The following AIDA variants were observed in gnomAD, a reference collection of about 807,000 sequenced individuals.
AIDA encodes axin interactor, dorsalization associated.
AIDA carries 18 observed loss-of-function variants against 42.7 expected under a neutral mutation model. The observed-to-expected ratio is 0.42, with a 90% CI of 0.29 to 0.63. The LOEUF (loss-of-function observed/expected upper bound fraction) is 0.63. AIDA is among the 20% of genes least tolerant of loss of function. AIDA has a pLI of 0.19. For missense variants in AIDA, 250 were observed against 354.1 expected (o/e 0.71, Z 2.36); for synonymous variants, 104 against 122.9 (o/e 0.85, Z 1.02).
intron 2 of AIDA, among the ~76,000 whole-genome samples, chr1:222,698,510 GGT>G (rs1292660351): frequency 1.3e-5 from 2 of 148,712 alleles, no homozygotes; most frequent in Non-Finnish European, 3.0e-5. Flanking sequence ...CGGGTGCAGT[GGT>G]GTGATTTCGG....
At chr1:222,687,125 G>A in intron 5 of AIDA, 89 bp from the exon 6 acceptor site, 1 of 1,535,118 alleles carries the variant, frequency 6.5e-7, no homozygotes. Flanking sequence ...CAGGCAAGAT[G>A]CTGATATAAA....
At position 222,706,553 on chromosome 1, in the gene AIDA, G is replaced by A. The variant is rs1250799702; in HGVS notation, c.111-3336C>T. On this transcript the variant is annotated intron_variant, in intron 1 of 9. Transcript: ENST00000340020. ...GATGAAACTTAAAAACATTAATTACGCTAAATGAAAGAAGTCAGATGCAAA... is the reference window on the plus strand; with the variant it reads ...GATGAAACTTAAAAACATTAATTACACTAAATGAAAGAAGTCAGATGCAAA... Among the ~76,000 whole-genome samples the A allele has an allele frequency of 3.3e-5, 5 of 151,796 alleles. No individual in the cohort carries two copies. In the East Asian group the frequency reaches 5.8e-4, roughly 18 times the overall value.
rs764789665 is a variant in AIDA, at chr1:222,693,824, T to G, written c.254A>C (p.Glu85Ala). The change falls in exon 4 of 10, where the codon GAA becomes GCA. Residue 85 changes from glutamate to alanine, a missense_variant. Physicochemically the swap from Glu to Ala is moderately radical, Grantham distance 107 (BLOSUM62 -1). This residue lies in a region of AIDA where 199 missense variants were observed against 232.6 expected (regional missense o/e 0.86). Coordinates refer to ENST00000340020, the MANE Select transcript of AIDA (RefSeq NM_022831.4). Reference sequence around the variant, plus strand: ...CTTCTTCAGGTCCTCCAGTTTAAATTCTTCTTGAGACTGTGTGGACTAAAT... The same window carrying G: ...CTTCTTCAGGTCCTCCAGTTTAAATGCTTCTTGAGACTGTGTGGACTAAAT... ...AALQSTQSQEEFKLEDLKKLE... is the reference protein window; with the variant it reads ...AALQSTQSQEAFKLEDLKKLE... 2 of 1,609,698 alleles carry G rather than the reference T, an allele frequency of 1.2e-6. No individual in the cohort carries two copies. The highest frequency in any genetic ancestry group is 8.5e-7 in the Non-Finnish European group (1 of 1,177,090).
At chr1:222,681,573 G>A (rs1283930141) in intron 6 of AIDA, among the ~76,000 whole-genome samples, 1 of 152,194 alleles carries the variant, frequency 6.6e-6, no homozygotes, top group African/African-American at 2.4e-5. Flanking sequence ...TGACGCAGGA[G>A]AATTGCTTGA....
intron 8 of AIDA, among the ~76,000 whole-genome samples, chr1:222,671,644 A>G (rs1437407449): frequency 6.6e-6 from 1 of 152,188 alleles, no homozygotes; most frequent in Non-Finnish European, 1.5e-5. Context: ...TGGGTGAGGG[A>G]GAGATGGGCA....
intron 1 of AIDA, among the ~76,000 whole-genome samples, chr1:222,708,306 A>G (rs1655897841): frequency 1.3e-5 from 2 of 150,210 alleles, no homozygotes; most frequent in South Asian, 2.1e-4. Flanking sequence ...GTGAGAATCC[A>G]TCTCAAAAAA....
chr1:222,688,631 G>A (rs1016565824), intron 4 of AIDA, among the ~76,000 whole-genome samples: 3 of 148,708 alleles, frequency 2.0e-5, no homozygotes, highest in Admixed American at 6.7e-5. Flanking sequence ...ACAGAGTCTC[G>A]CTCCGTTGCC....
At position 222,686,944 on chromosome 1, in the gene AIDA, G is replaced by C; in HGVS notation, c.446C>G (p.Pro149Arg). 1 of 1,613,604 alleles carries C rather than the reference G, an allele frequency of 6.2e-7. No individual in the cohort carries two copies. The highest frequency in any genetic ancestry group is 1.7e-5 in the Admixed American group (1 of 59,940). The change falls in exon 6 of 10, where the codon CCT (proline) becomes CGT (arginine). Residue 149 changes from proline (P) to arginine (R), a missense_variant. Physicochemically the swap from Pro to Arg is moderately radical, Grantham distance 103. This residue lies in a region of AIDA where 199 missense variants were observed against 232.6 expected (regional missense o/e 0.86). Coordinates refer to ENST00000340020, the MANE Select transcript of AIDA (RefSeq NM_022831.4). ...GAGAGSPDSF[P>R]ARVPGTLLPR... ...GTGATACCTACCGGGAACTCTAGCA[G>C]GAAAAGAATCAGGAGACCCTGCTCC...
At chr1:222,691,887 T>C (rs1655384038) in intron 4 of AIDA, among the ~76,000 whole-genome samples, 1 of 152,190 alleles carries the variant, frequency 6.6e-6, no homozygotes, top group South Asian at 2.1e-4. Flanking sequence ...TCCCTTTGTA[T>C]TGTAATAGAA....
chr1:222,704,077 T>A (rs1294316262), intron 1 of AIDA, among the ~76,000 whole-genome samples: 1 of 152,008 alleles, frequency 6.6e-6, no homozygotes, highest in African/African-American at 2.4e-5. Flanking sequence ...AAAACACAGA[T>A]CAAAATCACA....
At chr1:222,688,860 C>CA (rs1655271193) in intron 4 of AIDA, among the ~76,000 whole-genome samples, 1 of 151,926 alleles carries the variant, frequency 6.6e-6, no homozygotes, top group Non-Finnish European at 1.5e-5. Context: ...AGCCTCCCCC[C>CA]AGAAAAAGTT....
intron 2 of AIDA, among the ~76,000 whole-genome samples, chr1:222,697,973 C>CTAAG (rs139297709): frequency 0.032 from 4,797 of 152,242 alleles, 246 homozygotes; most frequent in African/African-American, 0.11. Flanking sequence ...GAAACGCTTT[C>CTAAG]TAAGCATCAT....
chr1:222,669,885 T>C lies in AIDA; in HGVS notation c.*8A>G, dbSNP rs762515509. The C allele has an allele frequency of 1.2e-6, 2 of 1,608,628 alleles. No homozygotes were observed. Among genetic ancestry groups the C allele is most frequent in the Non-Finnish European group, 1.7e-6 (2 of 1,177,590 alleles). ...ATTCACAGAAGTTCCAGGTTCATCA[T>C]GTCAGGATCATTCCTTGTGCAAAGT... On this transcript the variant is annotated 3_prime_UTR_variant, in exon 10 of 10. Coordinates refer to ENST00000340020, the MANE Select transcript of AIDA (RefSeq NM_022831.4).
At chr1:222,694,802 G>C (rs561719274) in intron 2 of AIDA, among the ~76,000 whole-genome samples, 1 of 152,310 alleles carries the variant, frequency 6.6e-6, no homozygotes, top group African/African-American at 2.4e-5. Context: ...ATAGGGCATA[G>C]ATAGTGTTTG....
At chr1:222,691,293 G>T (rs1655360474) in intron 4 of AIDA, among the ~76,000 whole-genome samples, 1 of 152,062 alleles carries the variant, frequency 6.6e-6, no homozygotes, top group African/African-American at 2.4e-5. Context: ...GCAGAAGTTT[G>T]ATAAGCAAGG....
At chr1:222,699,796 A>G (rs1176995061) in intron 2 of AIDA, among the ~76,000 whole-genome samples, 12 of 150,210 alleles carry the variant, frequency 8.0e-5, no homozygotes, top group African/African-American at 2.7e-4. Flanking sequence ...TTTTTGAGAC[A>G]AGTCTCGCTC....
At chr1:222,691,747 TGTCA>T in intron 4 of AIDA, among the ~76,000 whole-genome samples, 2 of 152,244 alleles carry the variant, frequency 1.3e-5, no homozygotes, top group Admixed American at 1.3e-4. Flanking sequence ...AAAGACCATG[TGTCA>T]GTCATATCAG....
At chr1:222,688,203 C>G (rs138055926) in intron 4 of AIDA, among the ~76,000 whole-genome samples, 4 of 152,064 alleles carry the variant, frequency 2.6e-5, no homozygotes, top group Non-Finnish European at 5.9e-5. Flanking sequence ...TACTCTGTTT[C>G]AAAAAAAGTT....
intron 1 of AIDA, among the ~76,000 whole-genome samples, chr1:222,707,376 T>C (rs943603860): frequency 1.3e-5 from 2 of 152,134 alleles, no homozygotes; most frequent in Admixed American, 1.3e-4. Flanking sequence ...AAGGCTGGTC[T>C]TGAACTCCTG....
Sources: allele counts gnomAD v4.1 joint callset (sites outside exome capture counted in the v4.1 genomes callset), GRCh38; gene constraint gnomAD v4.1.1; regional missense constraint gnomAD v4.1.1; transcripts MANE v1.5; gene names NCBI Gene and HGNC (gene_info 2026-07-23, HGNC 2026-07-21).